The following NAV3 variants were observed in gnomAD, a reference collection of about 807,000 sequenced individuals.
NAV3 encodes pore membrane and/or filament interacting like protein 1.
NAV3 carries 87 observed loss-of-function variants against 244.7 expected under a neutral mutation model. The ratio of observed to expected loss-of-function variants is 0.36; its 90% CI spans 0.30 to 0.42. The LOEUF is 0.42. Among genes scored for constraint, NAV3 ranks in the 20% least tolerant of loss-of-function variants. The probability of loss-of-function intolerance (pLI) is 1.00; values close to 1 mark genes in which losing one functional copy is unlikely to be tolerated. For missense variants in NAV3, 2,663 were observed against 2,893.3 expected, an observed-to-expected ratio of 0.92 and a Z score of 1.83; for synonymous variants, 1,126 against 1,042.2, an observed-to-expected ratio of 1.08 and a Z score of -1.55.
intron 12 of NAV3, among the ~76,000 whole-genome samples, chr12:78,075,171 A>G (rs888486375): frequency 1.3e-5 from 2 of 152,174 alleles, no homozygotes; most frequent in Non-Finnish European, 2.9e-5. Flanking sequence ...ACATCATTGT[A>G]AGCAGTACAG....
intron 1 of NAV3, among the ~76,000 whole-genome samples, chr12:77,856,720 T>C (rs1878447843): frequency 6.6e-6 from 1 of 152,132 alleles, no homozygotes; most frequent in South Asian, 2.1e-4. Context: ...GGAGGAATAA[T>C]ACAGTTAATT....
Position 77,665,281 on chromosome 12 carries a change from A to C in NAV3, c.72+93015A>C, listed in dbSNP as rs541818869. ...AGGACATATCTATATTATTAAACTC[A>C]CTTCTTTAGGAAACCCAATTCTAAT... On this transcript the variant is annotated intron_variant, in intron 2 of 8. Coordinates refer to the NAV3 transcript ENST00000550042. Among the ~76,000 whole-genome samples the C allele has an allele frequency of 2.0e-3, 305 of 152,298 alleles. 2 individuals are homozygous for C. Among genetic ancestry groups the C allele is most frequent in the African/African-American group, 7.0e-3 (292 of 41,568 alleles).
At position 77,965,526 on chromosome 12, in the gene NAV3, G is replaced by A. The variant is rs1039034094; in HGVS notation, c.415-703G>A. Among the ~76,000 whole-genome samples the A allele has an allele frequency of 2.6e-5, 4 of 152,130 alleles. 1 individual carries two copies. The highest frequency in any genetic ancestry group is 2.0e-4 in the Admixed American group (3 of 15,266). On this transcript the variant is annotated intron_variant, in intron 3 of 39. Transcript: ENST00000397909. ...CCCAGCTACTTGGGAGAGTGAGGCC[G>A]GAGAATCGCTTGAACCCGAGAGAGG...
intron 2 of NAV3, among the ~76,000 whole-genome samples, chr12:77,648,309 G>A (rs1015340912): frequency 9.2e-5 from 14 of 151,918 alleles, no homozygotes; most frequent in Admixed American, 2.6e-4. Flanking sequence ...ACACATACTC[G>A]TACACACACA....
chr12:77,778,023 T>G (rs974347998), intron 2 of NAV3, among the ~76,000 whole-genome samples: 2 of 151,968 alleles, frequency 1.3e-5, no homozygotes, highest in East Asian at 3.9e-4. Context: ...TCAGGCTGGT[T>G]TCAAACTCCC....
intron 2 of NAV3, among the ~76,000 whole-genome samples, chr12:77,738,066 G>A (rs1426015841): frequency 1.3e-5 from 2 of 152,050 alleles, no homozygotes; most frequent in Non-Finnish European, 2.9e-5. Flanking sequence ...GTTTCTAGAT[G>A]TCTACTTTAA....
intron 1 of NAV3, among the ~76,000 whole-genome samples, chr12:77,929,178 T>C (rs1326114913): frequency 6.6e-6 from 1 of 152,242 alleles, no homozygotes; most frequent in Non-Finnish European, 1.5e-5. Flanking sequence ...TAGTAATATG[T>C]TAGATATACC....
intron 22 of NAV3, among the ~76,000 whole-genome samples, chr12:78,153,518 A>G (rs1044249274): frequency 6.6e-6 from 1 of 152,114 alleles, no homozygotes; most frequent in African/African-American, 2.4e-5. Context: ...TGGTAATAGC[A>G]AACAATAAGC....
intron 12 of NAV3, among the ~76,000 whole-genome samples, chr12:78,102,272 G>A (rs1349282553): frequency 2.0e-5 from 3 of 152,074 alleles, no homozygotes; most frequent in Non-Finnish European, 4.4e-5. Context: ...TGGGTTACAG[G>A]GCATGCAATT....
At chr12:77,766,971 C>T (rs1244190346) in intron 2 of NAV3, among the ~76,000 whole-genome samples, 1 of 151,924 alleles carries the variant, frequency 6.6e-6, no homozygotes, top group Non-Finnish European at 1.5e-5. Context: ...CCAGACTAGT[C>T]TCAAACTCCT....
intron 9 of NAV3, among the ~76,000 whole-genome samples, chr12:78,049,509 C>G (rs1882409717): frequency 6.6e-6 from 1 of 152,228 alleles, no homozygotes; most frequent in Admixed American, 6.5e-5. Context: ...ACACCCCACC[C>G]TGCTTCTGCT....
At chr12:78,094,202 G>A (rs426055) in intron 12 of NAV3, among the ~76,000 whole-genome samples, 9,694 of 152,232 alleles carry the variant, frequency 0.064, 320 homozygotes, top group Admixed American at 0.079. Flanking sequence ...AGGATTAGAT[G>A]TTTATGCTAT....
Position 78,116,772 on chromosome 12 carries a change from C to A in NAV3, c.2637C>A (p.Ser879Arg). 1 of 1,586,978 alleles carries A rather than the reference C, an allele frequency of 6.3e-7. No homozygotes were observed. Among genetic ancestry groups the A allele is most frequent in the Non-Finnish European group, 8.6e-7 (1 of 1,162,642 alleles). ...CTGCTCTTGCATGTCTTGCCTTTAG[C>A]TGGGATGACAGCAGTTCAGTGAGCA... ...GVHDVTVDAD[S>R]WDDSSSVSSG... The change falls in exon 13 of 40, where the codon AGC (serine) becomes AGA (arginine). Residue 879 changes from serine (S) to arginine (R), a missense_variant and splice_region_variant. Ser to Arg is a moderately radical substitution (Grantham distance 110). Around this residue, in one of 6 missense-constraint regions of NAV3, gnomAD observed 1,521 missense variants for 1,497.0 expected, o/e 1.02. Transcript: ENST00000397909.
Position 78,046,390 on chromosome 12 carries a change from ACACAGCTTTAGCTGTGT to A in NAV3, c.2024-3601_2024-3585del, listed in dbSNP as rs1881797493. ...TTTAGTGCTATGAATTTCCCTCTAA[ACACAGCTTTAGCTGTGT>A]CCCAGACATTCTGGTATGTAGTTTC... On this transcript the variant is annotated intron_variant, in intron 9 of 39. Transcript: ENST00000397909. Among the ~76,000 whole-genome samples the A allele has an allele frequency of 5.9e-5, 9 of 152,240 alleles. No homozygotes were observed. The South Asian group carries it at 1.9e-3, about 32-fold the overall frequency.
chr12:77,794,951 C>T lies in NAV3; in HGVS notation c.73-145368C>T, dbSNP rs959638317. 5.3e-5 allele frequency among the ~76,000 whole-genome samples: 8 copies of T among 152,216 alleles called. No individual in the cohort carries two copies. In the East Asian group the frequency reaches 9.7e-4, roughly 18 times the overall value. On this transcript the variant is annotated intron_variant, in intron 2 of 8. Transcript: ENST00000550042. The stretch of plus-strand genomic sequence containing the variant: ...GCCTTACTATTCTCTGAGACACAAC[C>T]GTATTGAAATTAGGTCAATTAATAA...
chr12:78,084,676 T>C (rs1312905458), intron 12 of NAV3, among the ~76,000 whole-genome samples: 1 of 152,170 alleles, frequency 6.6e-6, no homozygotes, highest in African/African-American at 2.4e-5. Flanking sequence ...AATTTCTCTC[T>C]GTTGTCTGTT....
intron 5 of NAV3, among the ~76,000 whole-genome samples, chr12:77,976,867 C>G (rs887168574): frequency 6.6e-6 from 1 of 151,616 alleles, no homozygotes; most frequent in African/African-American, 2.4e-5. Context: ...TTAGTAGAGA[C>G]AGGGTTTCAC....
At chr12:77,790,558 A>G (rs1249402188) in intron 2 of NAV3, among the ~76,000 whole-genome samples, 2 of 152,146 alleles carry the variant, frequency 1.3e-5, no homozygotes, top group Non-Finnish European at 2.9e-5. Flanking sequence ...GGTGAGATCA[A>G]TGGCTTGTGT....
chr12:77,661,925 C>G (rs1676425669), intron 2 of NAV3, among the ~76,000 whole-genome samples: 2 of 151,920 alleles, frequency 1.3e-5, no homozygotes, highest in Non-Finnish European at 2.9e-5. Flanking sequence ...TGCACATTGT[C>G]TTTATAAAAA....
Sources: gnomAD v4.1 joint callset for allele counts (sites outside exome capture counted in the v4.1 genomes callset) on GRCh38, gnomAD v4.1.1 for gene constraint, gnomAD v4.1.1 regional missense constraint, MANE v1.5 for transcripts, NCBI Gene and HGNC (gene_info 2026-07-23, HGNC 2026-07-21) for gene names.